The following PUS7 variants were observed in gnomAD, a reference collection of about 807,000 sequenced individuals.
The protein encoded by PUS7 is pseudouridylate synthase 7 homolog.
PUS7 carries 48 observed loss-of-function variants against 79.8 expected under a neutral mutation model. The observed-to-expected ratio is 0.60, with a 90% CI of 0.48 to 0.76. The LOEUF is 0.76. PUS7 is among the 30% of genes least tolerant of loss of function. PUS7 has a pLI of 0.00. For synonymous variants in PUS7, 286 were observed against 272.2 expected, an observed-to-expected ratio of 1.05 and a Z score of -0.50; for missense variants, 729 against 797.6, an observed-to-expected ratio of 0.91 and a Z score of 1.04.
chr7:105,459,295 G>C, intron 14 of PUS7, 36 bp from the exon 15 acceptor site: 1 of 1,415,500 alleles, frequency 7.1e-7, no homozygotes, highest in Non-Finnish European at 9.9e-7. Flanking sequence ...GTGTGAATGT[G>C]AACTTTCATA....
At chr7:105,506,168 T>C in intron 3 of PUS7, 21 bp downstream of exon 3, 2 of 1,595,268 alleles carry the variant, frequency 1.3e-6, no homozygotes, top group Non-Finnish European at 1.7e-6. Flanking sequence ...AAGGTGACAT[T>C]TGCTAAAGAG....
chr7:105,505,757 T>TG (rs994040775), intron 4 of PUS7, among the ~76,000 whole-genome samples, 198 bp downstream of exon 4: 57 of 151,716 alleles, frequency 3.8e-4, no homozygotes, highest in East Asian at 1.4e-3. Context: ...AATGTAACTT[T>TG]GGGGGGGGCT....
At chr7:105,520,375 C>A (rs111952592) in intron 1 of PUS7, among the ~76,000 whole-genome samples, 1 of 152,106 alleles carries the variant, frequency 6.6e-6, no homozygotes, top group African/African-American at 2.4e-5. Flanking sequence ...AGGAGAATGG[C>A]GTGAACCCGG....
At chr7:105,477,740 C>G (rs1328858494) in intron 9 of PUS7, among the ~76,000 whole-genome samples, 1 of 151,948 alleles carries the variant, frequency 6.6e-6, no homozygotes, top group East Asian at 1.9e-4. Context: ...GTAGTCACTC[C>G]CCATTGGTCC....
intron 7 of PUS7, among the ~76,000 whole-genome samples, chr7:105,487,352 C>T (rs762499656): frequency 2.0e-5 from 3 of 152,172 alleles, no homozygotes; most frequent in Non-Finnish European, 2.9e-5. Flanking sequence ...CAATATCTGG[C>T]CTTGTGCGCC....
At chr7:105,463,320 A>AT (rs1165037166) in intron 13 of PUS7, among the ~76,000 whole-genome samples, 1 of 152,072 alleles carries the variant, frequency 6.6e-6, no homozygotes, top group East Asian at 1.9e-4. Flanking sequence ...GCTGAAATCC[A>AT]TTTTCTTCTA....
At chr7:105,478,757 A>G (rs1228728207) in intron 9 of PUS7, among the ~76,000 whole-genome samples, 2 of 152,196 alleles carry the variant, frequency 1.3e-5, no homozygotes, top group Non-Finnish European at 2.9e-5. Context: ...CCCTCAGGAA[A>G]TTCTATGGTG....
At position 105,506,029 on chromosome 7, in the gene PUS7, A is replaced by G; in HGVS notation, c.511T>C (p.Leu171=). ...AATCGCTGCTTTTCTTCAGCTGTCA[A>G]AACTGTAAATATGTCTTCTGAAGGG... ...EDPSEDIFTV[L]TAEEKQRLEE... is the part of the protein sequence containing the mutation. The change falls in exon 4 of 16, where the codon TTG becomes CTG. Residue 171 remains leucine, a synonymous_variant. Transcript: ENST00000469408. 1 of 1,613,946 alleles carries G rather than the reference A, an allele frequency of 6.2e-7. No individual in the cohort carries two copies. Among genetic ancestry groups the G allele is most frequent in the Non-Finnish European group, 8.5e-7 (1 of 1,179,914 alleles).
chr7:105,517,424 G>A (rs933594491), intron 1 of PUS7, among the ~76,000 whole-genome samples: 3 of 152,096 alleles, frequency 2.0e-5, no homozygotes, highest in African/African-American at 4.8e-5. Flanking sequence ...GCCTCCCAAA[G>A]TGCTGGGATC....
chr7:105,495,560 G>C (rs544274633), intron 5 of PUS7, among the ~76,000 whole-genome samples: 43 of 152,012 alleles, frequency 2.8e-4, no homozygotes, highest in Admixed American at 5.9e-4. Context: ...TTCAAGACTG[G>C]CCTGGGCAAC....
intron 1 of PUS7, among the ~76,000 whole-genome samples, chr7:105,517,691 A>G (rs1029202815): frequency 2.0e-5 from 3 of 152,240 alleles, no homozygotes; most frequent in East Asian, 3.9e-4. Flanking sequence ...GTGTGAGACC[A>G]GTTTAAGGCT....
At chr7:105,510,740 C>G (rs1825669949) in intron 1 of PUS7, among the ~76,000 whole-genome samples, 1 of 152,056 alleles carries the variant, frequency 6.6e-6, no homozygotes, top group Non-Finnish European at 1.5e-5. Context: ...CTCTCGAACT[C>G]CTGACCTCAA....
chr7:105,467,034 GTTTTTTT>G (rs56177512), intron 12 of PUS7, among the ~76,000 whole-genome samples: 51 of 70,696 alleles, frequency 7.2e-4, no homozygotes, highest in Middle Eastern at 0.025. Flanking sequence ...AGTTTTTTCT[GTTTTTTT>G]TTTTTTTTTT....
chr7:105,496,809 T>C lies in PUS7; in HGVS notation c.731-1556A>G, dbSNP rs114820069. On this transcript the variant is annotated intron_variant, in intron 5 of 15. Coordinates refer to ENST00000469408, the MANE Select transcript of PUS7 (RefSeq NM_019042.5). ...GTCCTTGGTGTGAATTCCTCACAAGTTCTTCAGAAAACTGTTGAGCAGGAA... is the reference window on the plus strand; with the variant it reads ...GTCCTTGGTGTGAATTCCTCACAAGCTCTTCAGAAAACTGTTGAGCAGGAA... The C allele has an allele frequency of 5.5e-3, 1,552 of 279,864 alleles. 19 individuals carry two copies. Among genetic ancestry groups the C allele is most frequent in the African/African-American group, 0.034 (1,494 of 44,432 alleles). The allele number at this position is 279,864 out of a possible 1,614,324, so 17.3% of individuals were successfully genotyped here. A position where few individuals can be genotyped will look rare whatever the true frequency, so the allele number is the denominator to read the frequency against.
At chr7:105,474,211 G>C (rs1053739425) in intron 9 of PUS7, among the ~76,000 whole-genome samples, 1 of 152,128 alleles carries the variant, frequency 6.6e-6, no homozygotes. Flanking sequence ...GATATTAAAT[G>C]ATCTAAAATG....
At chr7:105,518,387 A>C (rs1455383233) in intron 1 of PUS7, among the ~76,000 whole-genome samples, 1 of 150,484 alleles carries the variant, frequency 6.6e-6, no homozygotes, top group Non-Finnish European at 1.5e-5. Flanking sequence ...TAACACTAAC[A>C]ACAGTCTCTT....
At chr7:105,487,072 T>C (rs1175928070) in intron 7 of PUS7, among the ~76,000 whole-genome samples, 1 of 151,950 alleles carries the variant, frequency 6.6e-6, no homozygotes, top group Non-Finnish European at 1.5e-5. Context: ...AAAAATAAAA[T>C]AAAATAAATA....
chr7:105,470,980 T>C, intron 10 of PUS7, 132 bp from the exon 11 acceptor site: 1 of 974,218 alleles, frequency 1.0e-6, no homozygotes, highest in Middle Eastern at 3.0e-4. Flanking sequence ...TAGCTACCAC[T>C]CATCTGAGGA....
rs115673370 is a variant in PUS7 at position 105,474,192 on chromosome 7, G to A, written c.1176-1999C>T. ...TCACATTTAAGTTACACAATACTGG[G>A]CATTTCTGGATATTAAATGATCTAA... is the stretch of plus-strand genomic sequence containing the variant. On this transcript the variant is annotated intron_variant, in intron 9 of 15. Coordinates refer to ENST00000469408, the MANE Select transcript of PUS7 (RefSeq NM_019042.5). Among the ~76,000 whole-genome samples, 587 of 152,178 alleles carry A rather than the reference G, an allele frequency of 3.9e-3. 4 individuals are homozygous for A. Among genetic ancestry groups the A allele is most frequent in the African/African-American group, 0.014 (561 of 41,506 alleles).
Sources: allele counts gnomAD v4.1 joint callset (sites outside exome capture counted in the v4.1 genomes callset), GRCh38; gene constraint gnomAD v4.1.1; transcripts MANE v1.5; gene names NCBI Gene and HGNC (gene_info 2026-07-23, HGNC 2026-07-21).